Variants in CPN1 observed in about 807,000 individuals in gnomAD.
CPN1 encodes the protein carboxypeptidase N catalytic chain.
A neutral mutation model predicts 46.4 loss-of-function variants in CPN1; 37 were observed. The ratio of observed to expected loss-of-function variants is 0.80; its 90% CI spans 0.61 to 1.05. The LOEUF is 1.05. CPN1 is among the 50% of genes least tolerant of loss of function. The probability of loss-of-function intolerance (pLI) is 0.00; values close to 1 mark genes in which losing one functional copy is unlikely to be tolerated. For synonymous variants in CPN1, 224 were observed against 235.4 expected, an observed-to-expected ratio of 0.95 and a Z score of 0.44; for missense variants, 563 against 602.6, an observed-to-expected ratio of 0.93 and a Z score of 0.69.
chr10:100,056,052 T>C (rs1208501385), intron 6 of CPN1, among the ~76,000 whole-genome samples: 1 of 152,200 alleles, frequency 6.6e-6, no homozygotes, highest in Admixed American at 6.5e-5. Context: ...ATTCTAATTA[T>C]TTGAGGAATT....
intron 8 of CPN1, among the ~76,000 whole-genome samples, chr10:100,047,896 G>A (rs2041324322): frequency 6.6e-6 from 1 of 152,152 alleles, no homozygotes; most frequent in African/African-American, 2.4e-5. Context: ...AGAGGCTGAG[G>A]CAGGAGAATC....
intron 1 of CPN1, among the ~76,000 whole-genome samples, chr10:100,080,085 C>CAA (rs34214082): frequency 0.022 from 2,684 of 124,642 alleles, 40 homozygotes; most frequent in East Asian, 0.08. Flanking sequence ...GACTCCATCT[C>CAA]AAAAAAAAAA....
intron 6 of CPN1, among the ~76,000 whole-genome samples, chr10:100,056,556 A>AT (rs2041385565): frequency 6.6e-6 from 1 of 151,698 alleles, no homozygotes; most frequent in Admixed American, 6.6e-5. Context: ...GTGCTTGATA[A>AT]TTTTTTTTGA....
intron 8 of CPN1, among the ~76,000 whole-genome samples, chr10:100,044,028 G>T (rs953561254): frequency 1.3e-5 from 2 of 152,132 alleles, no homozygotes; most frequent in African/African-American, 4.8e-5. Context: ...GCAGGCCTGG[G>T]CTTTCCCACC....
rs781183240 is a variant in CPN1 at position 100,081,394 on chromosome 10, A to G, written c.223+9T>C. The G allele has an allele frequency of 3.2e-5, 51 of 1,610,270 alleles. No homozygotes were observed. Among genetic ancestry groups the G allele is most frequent in the East Asian group, 1.3e-4 (6 of 44,798 alleles). ...CCCCACACACCCTCAAGAGCTGTTCAGAACTTACAGGGCTCGTGGATTCCA... is the reference window on the plus strand; with the variant it reads ...CCCCACACACCCTCAAGAGCTGTTCGGAACTTACAGGGCTCGTGGATTCCA... On this transcript the variant is annotated intron_variant, in intron 1 of 8. Coordinates refer to ENST00000370418, the MANE Select transcript of CPN1 (RefSeq NM_001308.3).
chr10:100,050,780 G>A (rs1287491308), intron 7 of CPN1, among the ~76,000 whole-genome samples: 1 of 152,118 alleles, frequency 6.6e-6, no homozygotes, highest in African/African-American at 2.4e-5. Flanking sequence ...ACACACCACT[G>A]TGACTGGTAA....
chr10:100,060,902 A>G (rs746776235), intron 5 of CPN1, among the ~76,000 whole-genome samples: 1 of 152,220 alleles, frequency 6.6e-6, no homozygotes, highest in African/African-American at 2.4e-5. Context: ...AAAATGTGGC[A>G]CATATACACA....
chr10:100,043,822 T>C (rs1326926536), intron 8 of CPN1, among the ~76,000 whole-genome samples: 3 of 152,118 alleles, frequency 2.0e-5, no homozygotes, highest in Non-Finnish European at 4.4e-5. Context: ...ATTCTTAAAC[T>C]GGAAATTTCC....
intron 5 of CPN1, among the ~76,000 whole-genome samples, chr10:100,061,193 G>A (rs2041415443): frequency 1.3e-5 from 2 of 152,186 alleles, no homozygotes; most frequent in South Asian, 4.1e-4. Context: ...ATAATTTGCT[G>A]TAACTTTTAG....
chr10:100,052,970 A>C lies in CPN1; in HGVS notation c.1111+1377T>G, dbSNP rs550558793. Among the ~76,000 whole-genome samples the C allele has an allele frequency of 3.3e-5, 5 of 152,286 alleles. No individual in the cohort carries two copies. In the South Asian group the frequency reaches 6.2e-4, roughly 19 times the overall value. On this transcript the variant is annotated intron_variant, in intron 7 of 8. Transcript: ENST00000370418. The stretch of plus-strand genomic sequence containing the variant: ...GAGACCCCATCACCTTGCTAGAAAG[A>C]ATCTAGCAAGCCCTGAAGAAGGCTG...
rs770200389 is a variant in CPN1 at position 100,042,395 on chromosome 10, C to T, written c.*32G>A. The T allele has an allele frequency of 1.2e-6, 2 of 1,612,124 alleles. No individual in the cohort carries two copies. Among genetic ancestry groups the T allele is most frequent in the Non-Finnish European group, 1.7e-6 (2 of 1,179,812 alleles). Reference sequence around the variant, plus strand: ...ATCTGATCTGAGAGCAGGAGCAAAGCCTTTCTGAAGGGTTGCCTGGCACTG... The same window carrying T: ...ATCTGATCTGAGAGCAGGAGCAAAGTCTTTCTGAAGGGTTGCCTGGCACTG... On this transcript the variant is annotated 3_prime_UTR_variant, in exon 9 of 9. Coordinates refer to ENST00000370418, the MANE Select transcript of CPN1 (RefSeq NM_001308.3).
intron 5 of CPN1, 66 bp from the exon 6 acceptor site, chr10:100,057,218 C>G: frequency 1.3e-6 from 2 of 1,529,852 alleles, no homozygotes; most frequent in Non-Finnish European, 8.8e-7. Context: ...CATCTCATCT[C>G]TCTCTCTCTC....
chr10:100,056,176 T>C (rs773131485), intron 6 of CPN1, among the ~76,000 whole-genome samples: 3 of 152,230 alleles, frequency 2.0e-5, no homozygotes, highest in African/African-American at 7.2e-5. Flanking sequence ...GTTTTTTTGA[T>C]AGCAGCCATC....
chr10:100,054,351 A>G lies in CPN1; in HGVS notation c.1107T>C (p.Thr369=). ...CCCTAAGCAGTGACCACCTACCTGA[A>G]GTGACATCATGGTTAATCCCACTGA... ...ISVSGINHDV[T]SGDHGDYFRL... The change falls in exon 7 of 9, where the codon ACT becomes ACC. Residue 369 remains threonine, a synonymous_variant. Transcript: ENST00000370418. 6.2e-7 allele frequency: 1 copy of G among 1,613,280 alleles called. No individual in the cohort carries two copies.
Position 100,042,405 on chromosome 10 carries a change from G to T in CPN1, c.*22C>A. The T allele has an allele frequency of 6.2e-7, 1 of 1,612,464 alleles. No homozygotes were observed. The highest frequency in any genetic ancestry group is 1.1e-5 in the South Asian group (1 of 91,010). On this transcript the variant is annotated 3_prime_UTR_variant, in exon 9 of 9. Coordinates refer to ENST00000370418, the MANE Select transcript of CPN1 (RefSeq NM_001308.3). ...AGAGCAGGAGCAAAGCCTTTCTGAA[G>T]GGTTGCCTGGCACTGTGGGTTTCAG...
At chr10:100,058,395 GA>G (rs1220197081) in intron 5 of CPN1, among the ~76,000 whole-genome samples, 2 of 152,064 alleles carry the variant, frequency 1.3e-5, no homozygotes, top group Admixed American at 6.6e-5. Context: ...ATATTAATCT[GA>G]AAATACCCAT....
At chr10:100,042,598 C>G in intron 8 of CPN1, 25 bp from the exon 9 acceptor site, 1 of 1,613,528 alleles carries the variant, frequency 6.2e-7, no homozygotes, top group Non-Finnish European at 8.5e-7. Flanking sequence ...GCAGGAGCTA[C>G]GAGATCCGTT....
At chr10:100,059,172 A>T (rs1300657436) in intron 5 of CPN1, among the ~76,000 whole-genome samples, 3 of 152,086 alleles carry the variant, frequency 2.0e-5, no homozygotes, top group Non-Finnish European at 4.4e-5. Context: ...GCAACAAAAG[A>T]AAAAAAATAA....
intron 3 of CPN1, among the ~76,000 whole-genome samples, chr10:100,068,778 A>G (rs774529392): frequency 2.0e-5 from 3 of 151,982 alleles, no homozygotes; most frequent in Non-Finnish European, 4.4e-5. Context: ...ACCTCAAGCA[A>G]TCCTCCCGTC....
Sources: allele counts gnomAD v4.1 joint callset (sites outside exome capture counted in the v4.1 genomes callset), GRCh38; gene constraint gnomAD v4.1.1; transcripts MANE v1.5; gene names NCBI Gene and HGNC (gene_info 2026-07-23, HGNC 2026-07-21).